Variants in CDH11 observed in about 807,000 individuals in gnomAD.
CDH11 encodes the protein cadherin 11, also known as cadherin-11.
CDH11 carries 11 observed loss-of-function variants against 67.8 expected under a neutral mutation model. The ratio of observed to expected loss-of-function variants is 0.16; its 90% CI spans 0.10 to 0.27. The LOEUF (loss-of-function observed/expected upper bound fraction) is 0.27, where lower values mean the gene tolerates loss of function less well. CDH11 is among the 10% of genes least tolerant of loss of function. The pLI is 1.00. For synonymous variants in CDH11, 419 were observed against 400.0 expected, an observed-to-expected ratio of 1.05 and a Z score of -0.57; for missense variants, 847 against 1,031.2, an observed-to-expected ratio of 0.82 and a Z score of 2.45.
Position 65,036,764 on chromosome 16 carries a change from G to A in CDH11, c.-173+17040C>T, listed in dbSNP as rs114433495. Among the ~76,000 whole-genome samples the A allele has an allele frequency of 5.5e-3, 839 of 152,260 alleles. 10 individuals are homozygous for A. Among genetic ancestry groups the A allele is most frequent in the African/African-American group, 0.019 (780 of 41,540 alleles). ...TATTATTAGCCAAGGTGGTATCATA[G>A]GTAATTAGAGTCCAGCTCCCAATGG... On this transcript the variant is annotated intron_variant, in intron 2 of 12. Transcript: ENST00000268603.
At chr16:65,099,196 A>C (rs916423928) in intron 1 of CDH11, among the ~76,000 whole-genome samples, 5 of 152,186 alleles carry the variant, frequency 3.3e-5, no homozygotes, top group African/African-American at 9.7e-5. Flanking sequence ...TTTATATTAC[A>C]GGGTGCCATG....
At chr16:64,971,835 T>C (rs1165602570) in intron 10 of CDH11, 96 bp downstream of exon 10, 2 of 1,458,974 alleles carry the variant, frequency 1.4e-6, no homozygotes, top group African/African-American at 1.4e-5. Context: ...TGAAACCTTT[T>C]TGGGCAGTGG....
intron 1 of CDH11, among the ~76,000 whole-genome samples, chr16:65,078,590 A>G (rs1443823529): frequency 2.0e-5 from 3 of 152,196 alleles, no homozygotes; most frequent in Admixed American, 1.3e-4. Context: ...GAAACTTCAT[A>G]GGACAGTGTA....
intron 8 of CDH11, among the ~76,000 whole-genome samples, chr16:64,980,339 A>G (rs776193071): frequency 2.0e-5 from 3 of 152,226 alleles, no homozygotes; most frequent in Non-Finnish European, 4.4e-5. Flanking sequence ...AACTAGACAG[A>G]CATCCAGCTC....
At position 65,122,056 on chromosome 16, in the gene CDH11, C is replaced by A. The variant is rs895492448; in HGVS notation, c.-474G>T. The A allele has an allele frequency of 3.5e-6, 2 of 566,350 alleles. No homozygotes were observed. The highest frequency in any genetic ancestry group is 2.0e-5 in the African/African-American group (1 of 50,318). The allele number at this position is 566,350 out of a possible 1,614,324, so 35.1% of individuals were successfully genotyped here. On this transcript the variant is annotated 5_prime_UTR_variant, in exon 1 of 13. Coordinates refer to ENST00000268603, the MANE Select transcript of CDH11 (RefSeq NM_001797.4). ...GACGCTCCCCTCAGCTGGCGGCGGC[C>A]GCGGAATGAGCCGCCGAGCGCGCTA...
At chr16:64,967,819 T>C (rs1429549226) in intron 11 of CDH11, among the ~76,000 whole-genome samples, 2 of 152,192 alleles carry the variant, frequency 1.3e-5, no homozygotes, top group Non-Finnish European at 2.9e-5. Flanking sequence ...TTTTCCAATT[T>C]TCCTTCAAGA....
rs116792133 is a variant in CDH11 at position 64,991,370 on chromosome 16, A to G, written c.811+398T>C. On this transcript the variant is annotated intron_variant, in intron 6 of 12. Coordinates refer to ENST00000268603, the MANE Select transcript of CDH11 (RefSeq NM_001797.4). ...ATTGTTATTATTTTTATTGTTTTAA[A>G]CCACTAAGTTTTCCAGCAATTTGTT... 6.5e-3 allele frequency: 1,085 copies of G among 167,718 alleles called. 14 individuals carry two copies. The highest frequency in any genetic ancestry group is 0.024 in the African/African-American group (1,009 of 42,272). The allele number at this position is 167,718 out of a possible 1,614,324, so 10.4% of individuals were successfully genotyped here. A position where few individuals can be genotyped will look rare whatever the true frequency, so the allele number is the denominator to read the frequency against.
chr16:64,999,526 T>G (rs1300048985), intron 3 of CDH11, among the ~76,000 whole-genome samples: 1 of 152,180 alleles, frequency 6.6e-6, no homozygotes, highest in East Asian at 1.9e-4. Flanking sequence ...TAAAAAATTT[T>G]TTGTTTTGGG....
At chr16:65,048,532 C>CGT (rs144059846) in intron 2 of CDH11, among the ~76,000 whole-genome samples, 22 of 150,440 alleles carry the variant, frequency 1.5e-4, no homozygotes, top group South Asian at 2.1e-4. Context: ...GAAAATGTGG[C>CGT]GTGTGTGTGT....
chr16:65,103,278 CA>C (rs2075021998), intron 1 of CDH11, among the ~76,000 whole-genome samples: 2 of 152,088 alleles, frequency 1.3e-5, no homozygotes, highest in South Asian at 4.1e-4. Context: ...ATGTTTTAAA[CA>C]ATTGTGTATG....
chr16:65,051,510 G>C (rs1217847615), intron 2 of CDH11, among the ~76,000 whole-genome samples: 1 of 152,132 alleles, frequency 6.6e-6, no homozygotes, highest in Admixed American at 6.5e-5. Flanking sequence ...AAATTCCAAG[G>C]ATAAAAGTTA....
Position 64,950,791 on chromosome 16 carries a change from G to C in CDH11, c.1870C>G (p.Leu624Val). 3 of 1,614,114 alleles carry C rather than the reference G, an allele frequency of 1.9e-6. No homozygotes were observed. Among genetic ancestry groups the C allele is most frequent in the Non-Finnish European group, 2.5e-6 (3 of 1,179,986 alleles). Residue 624 changes from leucine (L) to valine (V), a missense_variant, in exon 12 of 13, where the codon CTC becomes GTC. Leu to Val is a conservative substitution (Grantham distance 32). This residue lies in a region of CDH11 where 612 missense variants were observed against 678.7 expected (regional missense o/e 0.90). Transcript: ENST00000268603. ...GLSTGALIAI[L>V]ACIVILLVIV... is the part of the protein sequence containing the mutation. ...CCCAGGAGAATGACGATGCAGGCGA[G>C]GATGGCGATCAGGGCGCCTGTGCTC... is the stretch of plus-strand genomic sequence containing the variant.
intron 2 of CDH11, among the ~76,000 whole-genome samples, chr16:65,045,329 GTA>G (rs57695452): frequency 0.015 from 942 of 63,036 alleles, 10 homozygotes; most frequent in African/African-American, 0.034. Flanking sequence ...TCCCTCAAAA[GTA>G]TATATATATA....
chr16:65,066,085 C>T (rs139011344), intron 1 of CDH11, among the ~76,000 whole-genome samples: 1 of 152,244 alleles, frequency 6.6e-6, no homozygotes, highest in Non-Finnish European at 1.5e-5. Context: ...TAGTGAGCCT[C>T]ACTGGTCTTC....
At chr16:65,122,100 CG>C (rs1380168050), upstream of CDH11, 32 of 98,952 alleles carry the variant, frequency 3.2e-4, no homozygotes, top group African/African-American at 2.0e-3. Flanking sequence ...AATGAGAAAC[CG>C]GGGGGAGGTG....
At chr16:64,958,541 C>T (rs1237820997) in intron 11 of CDH11, among the ~76,000 whole-genome samples, 1 of 151,940 alleles carries the variant, frequency 6.6e-6, no homozygotes, top group Non-Finnish European at 1.5e-5. Context: ...TTATAATATC[C>T]CATATCTTAT....
Position 64,945,321 on chromosome 16 carries a change from A to T in CDH11, c.*2282T>A. On this transcript the variant is annotated 3_prime_UTR_variant, in exon 13 of 13. Coordinates refer to ENST00000268603, the MANE Select transcript of CDH11 (RefSeq NM_001797.4). ...AAAGGTAAAAAAAAAAAAAAAAAAG[A>T]AAAAGAAAAACAAGTATTCTTAACT... 2 of 716,728 alleles carry T rather than the reference A, an allele frequency of 2.8e-6. No homozygotes were observed. The highest frequency in any genetic ancestry group is 3.4e-6 in the Non-Finnish European group (2 of 592,096). 44.4% of individuals were successfully genotyped at this position (716,728 alleles called of 1,614,324 possible). A position where few individuals can be genotyped will look rare whatever the true frequency, so the allele number is the denominator to read the frequency against.
intron 2 of CDH11, among the ~76,000 whole-genome samples, chr16:65,020,603 T>G (rs2073404267): frequency 6.6e-6 from 1 of 152,220 alleles, no homozygotes; most frequent in South Asian, 2.1e-4. Flanking sequence ...GTGTTGGGAT[T>G]ACAGGTGTGA....
At chr16:65,009,580 T>TGCCCTCCTAAGGAGACC (rs1415416421) in intron 2 of CDH11, among the ~76,000 whole-genome samples, 4 of 152,164 alleles carry the variant, frequency 2.6e-5, no homozygotes, top group Non-Finnish European at 4.4e-5. Flanking sequence ...AATAGGAGGC[T>TGCCCTCCTAAGGAGACC]GCCCTCCTAA....
Sources: gnomAD v4.1 joint callset for allele counts (sites outside exome capture counted in the v4.1 genomes callset) on GRCh38, gnomAD v4.1.1 for gene constraint, gnomAD v4.1.1 regional missense constraint, MANE v1.5 for transcripts, NCBI Gene and HGNC (gene_info 2026-07-23, HGNC 2026-07-21) for gene names.